Variants in CUBN observed in about 807,000 individuals in gnomAD.
CUBN encodes the protein cubilin.
In CUBN, 282 loss-of-function variants were observed where a neutral mutation model predicts 405.3. That is an observed-to-expected ratio of 0.70 (90% CI 0.63 to 0.77). The LOEUF is 0.77. Among genes scored for constraint, CUBN ranks in the 30% least tolerant of loss-of-function variants. The pLI, the probability that CUBN is intolerant of heterozygous loss-of-function variation, is 0.00. For missense variants in CUBN, 4,514 were observed against 4,475.2 expected (o/e 1.01, Z -0.25); for synonymous variants, 1,684 against 1,617.0 (o/e 1.04, Z -0.99).
intron 63 of CUBN, 91 bp downstream of exon 63, chr10:16,836,144 G>GT: frequency 8.0e-7 from 1 of 1,245,868 alleles, no homozygotes; most frequent in Non-Finnish European, 1.2e-6. Flanking sequence ...TTTACTCACA[G>GT]GAGTCAATTC....
rs1346767151 is a variant in CUBN at position 16,902,187 on chromosome 10, GTATATATAGTATATATATTTA to G, written c.8063-749_8063-729del. ...TATACTATATATAGTATATATATTT[GTATATATAGTATATATATTTA>G]TATATATAGTATATATATGTATATA... On this transcript the variant is annotated intron_variant, in intron 51 of 66. Transcript: ENST00000377833. Among the ~76,000 whole-genome samples, 236 of 124,602 alleles carry G rather than the reference GTATATATAGTATATATATTTA, an allele frequency of 1.9e-3. 1 individual carries two copies. The highest frequency in any genetic ancestry group is 6.5e-3 in the African/African-American group (212 of 32,548). The allele number at this position is 124,602 out of a possible 152,430, so 81.7% of individuals were successfully genotyped here.
chr10:16,950,519 C>T (rs1456592443), intron 33 of CUBN, among the ~76,000 whole-genome samples: 1 of 152,072 alleles, frequency 6.6e-6, no homozygotes, highest in Non-Finnish European at 1.5e-5. Context: ...ATAAATTTTA[C>T]TTCTGGTAAT....
At chr10:16,839,960 G>T (rs1042634941) in intron 62 of CUBN, among the ~76,000 whole-genome samples, 7 of 151,410 alleles carry the variant, frequency 4.6e-5, no homozygotes, top group Admixed American at 1.3e-4. Context: ...GCAAACTATC[G>T]CAAGGACAAA....
intron 26 of CUBN, among the ~76,000 whole-genome samples, chr10:17,042,021 G>A (rs1156614726): frequency 6.6e-6 from 1 of 152,064 alleles, no homozygotes; most frequent in African/African-American, 2.4e-5. Flanking sequence ...AAAAGAGAAC[G>A]GGAAATAAAC....
chr10:17,031,979 A>C (rs1372520382), intron 27 of CUBN, among the ~76,000 whole-genome samples: 1 of 152,200 alleles, frequency 6.6e-6, no homozygotes, highest in Non-Finnish European at 1.5e-5. Flanking sequence ...AGAGAAAGCA[A>C]AGCCCTTATG....
At chr10:17,010,864 G>A (rs774548533) in intron 28 of CUBN, among the ~76,000 whole-genome samples, 8 of 152,084 alleles carry the variant, frequency 5.3e-5, no homozygotes, top group Non-Finnish European at 5.9e-5. Flanking sequence ...ATCTCAGAAC[G>A]CCTAGCACTC....
intron 16 of CUBN, 51 bp downstream of exon 16, chr10:17,085,546 T>G (rs1346218804): frequency 6.6e-7 from 1 of 1,516,064 alleles, no homozygotes; most frequent in South Asian, 1.1e-5. Context: ...GATGTAAGCA[T>G]AGCATTGGCC....
intron 28 of CUBN, among the ~76,000 whole-genome samples, chr10:17,000,400 G>A (rs1423787182): frequency 1.3e-5 from 2 of 152,088 alleles, no homozygotes; most frequent in Non-Finnish European, 2.9e-5. Context: ...CAGCTATTTC[G>A]AACTTGTCTT....
intron 54 of CUBN, among the ~76,000 whole-genome samples, chr10:16,895,854 TA>T (rs1841166319): frequency 6.6e-6 from 1 of 152,246 alleles, no homozygotes; most frequent in African/African-American, 2.4e-5. Flanking sequence ...TTGGTCTAAC[TA>T]AACTATTTAC....
At chr10:16,939,182 CT>C in intron 37 of CUBN, 35 bp from the exon 38 acceptor site, 5 of 1,507,960 alleles carry the variant, frequency 3.3e-6, no homozygotes, top group Non-Finnish European at 2.8e-6. Context: ...ATCAGACCCA[CT>C]TAGAATTGCT....
intron 31 of CUBN, among the ~76,000 whole-genome samples, chr10:16,978,736 A>C (rs1318062949): frequency 6.6e-6 from 1 of 152,198 alleles, no homozygotes; most frequent in Non-Finnish European, 1.5e-5. Context: ...GATATACACA[A>C]ATGAAAGATG....
chr10:16,972,751 G>A (rs1832972089), intron 31 of CUBN, among the ~76,000 whole-genome samples: 1 of 151,654 alleles, frequency 6.6e-6, no homozygotes, highest in Non-Finnish European at 1.5e-5. Flanking sequence ...AAGCAAATAG[G>A]CTTCCCCCCA....
chr10:17,090,295 G>GA (rs1836225618), intron 14 of CUBN, among the ~76,000 whole-genome samples: 1 of 151,856 alleles, frequency 6.6e-6, no homozygotes, highest in South Asian at 2.1e-4. Context: ...CTAAGAAAGA[G>GA]GAAAATACAA....
chr10:16,861,280 G>A (rs1840005043), intron 59 of CUBN, among the ~76,000 whole-genome samples: 1 of 151,826 alleles, frequency 6.6e-6, no homozygotes, highest in Non-Finnish European at 1.5e-5. Flanking sequence ...TCCTGCTTCA[G>A]CTGCCCGAGT....
intron 39 of CUBN, 84 bp from the exon 40 acceptor site, chr10:16,933,368 C>G (rs1842416222): frequency 8.7e-6 from 11 of 1,257,746 alleles, no homozygotes; most frequent in African/African-American, 1.5e-5. Flanking sequence ...AGTGACAGCC[C>G]TCTACTGAAA....
At chr10:17,061,423 C>T (rs1453608025) in intron 22 of CUBN, among the ~76,000 whole-genome samples, 1 of 152,188 alleles carries the variant, frequency 6.6e-6, no homozygotes, top group African/African-American at 2.4e-5. Context: ...TCCCCCATCT[C>T]AAATTCCTTA....
intron 43 of CUBN, among the ~76,000 whole-genome samples, chr10:16,922,301 C>T (rs979627252): frequency 6.6e-6 from 1 of 152,008 alleles, no homozygotes; most frequent in African/African-American, 2.4e-5. Flanking sequence ...TCCAACTGAC[C>T]GCCAAATTCA....
intron 64 of CUBN, among the ~76,000 whole-genome samples, chr10:16,833,518 T>C (rs1260984767): frequency 6.6e-6 from 1 of 152,136 alleles, no homozygotes; most frequent in Non-Finnish European, 1.5e-5. Flanking sequence ...TCAGGAATCA[T>C]GTTGAAGCTA....
At chr10:16,928,532 C>CATT (rs1403918589) in intron 40 of CUBN, among the ~76,000 whole-genome samples, 3 of 107,088 alleles carry the variant, frequency 2.8e-5, no homozygotes, top group South Asian at 3.4e-4. Flanking sequence ...CCACCCCCCC[C>CATT]TTTTTTTTTT....
Sources: allele counts gnomAD v4.1 joint callset (sites outside exome capture counted in the v4.1 genomes callset), GRCh38; gene constraint gnomAD v4.1.1; transcripts MANE v1.5; gene names NCBI Gene and HGNC (gene_info 2026-07-23, HGNC 2026-07-21).